Variants in GPC6 observed in about 807,000 individuals in gnomAD.
GPC6 encodes the protein glypican-6.
Under a neutral mutation model 55.2 loss-of-function variants are expected in GPC6, and 14 were observed. That is an observed-to-expected ratio of 0.25 (90% confidence interval 0.17 to 0.40). GPC6 has a LOEUF of 0.40. Ranked by LOEUF, GPC6 falls within the 10% of genes least tolerant of loss-of-function variation. The pLI, the probability that GPC6 is intolerant of heterozygous loss-of-function variation, is 1.00. For synonymous variants in GPC6, 278 were observed against 259.6 expected, an observed-to-expected ratio of 1.07 and a Z score of -0.68; for missense variants, 641 against 708.5, an observed-to-expected ratio of 0.90 and a Z score of 1.08.
chr13:93,889,317 A>G (rs1429497058), intron 3 of GPC6, among the ~76,000 whole-genome samples: 1 of 152,078 alleles, frequency 6.6e-6, no homozygotes, highest in Non-Finnish European at 1.5e-5. Context: ...TCCCCAAACG[A>G]TTTTAATGTA....
chr13:94,294,058 G>A (rs939472286), intron 5 of GPC6, among the ~76,000 whole-genome samples: 2 of 152,128 alleles, frequency 1.3e-5, no homozygotes, highest in East Asian at 1.9e-4. Flanking sequence ...TTCCACAACC[G>A]CAGTTACCCA....
intron 3 of GPC6, among the ~76,000 whole-genome samples, chr13:93,841,673 A>T (rs1316674313): frequency 6.6e-6 from 1 of 152,196 alleles, no homozygotes; most frequent in Non-Finnish European, 1.5e-5. Flanking sequence ...TGCCAAGTTA[A>T]CATCAAATGA....
chr13:94,017,736 T>C (rs1362371484), intron 3 of GPC6, among the ~76,000 whole-genome samples: 1 of 152,162 alleles, frequency 6.6e-6, no homozygotes, highest in African/African-American at 2.4e-5. Flanking sequence ...TGGAGTGCAG[T>C]GGCACCACCT....
At chr13:93,820,735 T>C (rs1443971314) in intron 2 of GPC6, among the ~76,000 whole-genome samples, 1 of 150,584 alleles carries the variant, frequency 6.6e-6, no homozygotes, top group Non-Finnish European at 1.5e-5. Context: ...TACTGTGAGA[T>C]TTTTTTAAGT....
chr13:94,368,022 G>A (rs564049966), intron 6 of GPC6, among the ~76,000 whole-genome samples: 7 of 151,690 alleles, frequency 4.6e-5, no homozygotes, highest in East Asian at 3.9e-4. Context: ...GGTGACACAC[G>A]TCTGTAGTCC....
chr13:93,642,151 C>T (rs1231674335), intron 2 of GPC6, among the ~76,000 whole-genome samples: 1 of 152,030 alleles, frequency 6.6e-6, no homozygotes, highest in East Asian at 1.9e-4. Context: ...TGCCTCCCTC[C>T]TTCTCTAGTA....
intron 4 of GPC6, among the ~76,000 whole-genome samples, chr13:94,112,224 A>G (rs1886271487): frequency 6.6e-6 from 1 of 152,208 alleles, no homozygotes; most frequent in Admixed American, 6.5e-5. Flanking sequence ...AAAGTAATTT[A>G]GTAAGTTTCT....
chr13:93,959,763 T>C (rs1879682289), intron 3 of GPC6, among the ~76,000 whole-genome samples: 1 of 152,198 alleles, frequency 6.6e-6, no homozygotes, highest in Non-Finnish European at 1.5e-5. Context: ...AATTATTTTA[T>C]AGGTATTAAC....
chr13:93,217,378 A>G, the GPC6 span, among the ~76,000 whole-genome samples: 2 of 152,222 alleles, frequency 1.3e-5, no homozygotes, highest in African/African-American at 4.8e-5. Context: ...GCAAATATCT[A>G]AATTTGGTTG....
Position 93,525,312 on chromosome 13 carries a change from G to A in GPC6, c.161-19951G>A, listed in dbSNP as rs1329096605. ...CTCTCCACTGTGCTTTGGGCAAAGT[G>A]TCAGGAACATGCCCCCCAAGAGGTA... On this transcript the variant is annotated intron_variant, in intron 1 of 8. Coordinates refer to ENST00000377047, the MANE Select transcript of GPC6 (RefSeq NM_005708.5). Among the ~76,000 whole-genome samples the A allele has an allele frequency of 2.0e-5, 3 of 152,112 alleles. No homozygotes were observed. The East Asian group carries it at 5.8e-4, about 29-fold the overall frequency.
rs149528446 is a variant in GPC6 at position 93,910,106 on chromosome 13, G to T, written c.711+79561G>T. 2.6e-5 allele frequency among the ~76,000 whole-genome samples: 4 copies of T among 151,912 alleles called. No individual in the cohort carries two copies. The East Asian group carries it at 7.7e-4, about 29-fold the overall frequency. ...CTTTGTGGCTGTGTGATATGGTTTG[G>T]CTGTGTTCCCACCCAAATATCATCT... On this transcript the variant is annotated intron_variant, in intron 3 of 8. Coordinates refer to ENST00000377047, the MANE Select transcript of GPC6 (RefSeq NM_005708.5).
chr13:93,802,334 T>G (rs1472325677), intron 2 of GPC6, among the ~76,000 whole-genome samples: 1 of 152,036 alleles, frequency 6.6e-6, no homozygotes, highest in Admixed American at 6.6e-5. Flanking sequence ...TTGCTATCAC[T>G]CAGACACTTC....
At chr13:93,557,844 G>T (rs1459388387) in intron 2 of GPC6, among the ~76,000 whole-genome samples, 1 of 152,044 alleles carries the variant, frequency 6.6e-6, no homozygotes, top group African/African-American at 2.4e-5. Context: ...AAATGTATTG[G>T]TATTTTTTTT....
chr13:93,474,713 C>T (rs1879242356), intron 1 of GPC6, among the ~76,000 whole-genome samples: 1 of 152,184 alleles, frequency 6.6e-6, no homozygotes, highest in Non-Finnish European at 1.5e-5. Context: ...TCAAAGCCTT[C>T]AAATAGCTGG....
chr13:93,738,507 A>T (rs187394405), intron 2 of GPC6, among the ~76,000 whole-genome samples: 1 of 152,324 alleles, frequency 6.6e-6, no homozygotes, highest in East Asian at 1.9e-4. Context: ...ATTAAAATTC[A>T]TATACCACAT....
At chr13:93,345,335 C>T (rs975872843) in intron 1 of GPC6, among the ~76,000 whole-genome samples, 1 of 152,068 alleles carries the variant, frequency 6.6e-6, no homozygotes, top group Admixed American at 6.6e-5. Context: ...TAGCAAGTAC[C>T]TGGCATGTAT....
At chr13:93,280,386 C>T (rs1172383748) in intron 1 of GPC6, among the ~76,000 whole-genome samples, 6 of 152,072 alleles carry the variant, frequency 3.9e-5, no homozygotes, top group South Asian at 4.1e-4. Context: ...ACCTGGTCAG[C>T]GGGGCTCCAC....
chr13:93,849,417 G>T (rs916062319), intron 3 of GPC6, among the ~76,000 whole-genome samples: 5 of 151,990 alleles, frequency 3.3e-5, no homozygotes, highest in African/African-American at 1.2e-4. Context: ...TTCTTTTTAG[G>T]TTTTTTGGAA....
At chr13:93,719,502 C>A (rs1255518769) in intron 2 of GPC6, among the ~76,000 whole-genome samples, 1 of 152,070 alleles carries the variant, frequency 6.6e-6, no homozygotes, top group African/African-American at 2.4e-5. Context: ...ATGAGGTTTT[C>A]TAAATATACA....
Sources: gnomAD v4.1 joint callset for allele counts (sites outside exome capture counted in the v4.1 genomes callset) on GRCh38, gnomAD v4.1.1 for gene constraint, MANE v1.5 for transcripts, NCBI Gene and HGNC (gene_info 2026-07-23, HGNC 2026-07-21) for gene names.